PRKG1: variants seen among roughly 807,000 people sequenced by gnomAD.
PRKG1 encodes protein kinase cGMP-dependent 1.
PRKG1 carries 35 observed loss-of-function variants against 88.1 expected under a neutral mutation model. That is an observed-to-expected ratio of 0.40 (90% CI 0.30 to 0.53). PRKG1 has a LOEUF of 0.53. Ranked by LOEUF, PRKG1 falls within the 20% of genes least tolerant of loss-of-function variation. The pLI, the probability that PRKG1 is intolerant of heterozygous loss-of-function variation, is 0.59. For synonymous variants in PRKG1, 303 were observed against 292.5 expected, an observed-to-expected ratio of 1.04 and a Z score of -0.37; for missense variants, 540 against 839.8, an observed-to-expected ratio of 0.64 and a Z score of 4.41.
intron 8 of PRKG1, among the ~76,000 whole-genome samples, chr10:52,140,814 T>C (rs1203437862): frequency 3.4e-5 from 5 of 146,090 alleles, no homozygotes; most frequent in African/African-American, 1.2e-4. Context: ...ATGCACCCAA[T>C]GGTGATTTGC....
At chr10:51,697,647 C>T (rs1273944264) in intron 3 of PRKG1, 2 of 1,575,986 alleles carry the variant, frequency 1.3e-6, no homozygotes, top group East Asian at 4.5e-5. Flanking sequence ...CACCCATTCT[C>T]CATGCTACAG....
chr10:51,419,391 G>A (rs1838343127), intron 2 of PRKG1, among the ~76,000 whole-genome samples: 1 of 152,082 alleles, frequency 6.6e-6, no homozygotes. Flanking sequence ...GGTAACCATG[G>A]CAACCTCCAT....
At chr10:52,011,903 C>T (rs73339302) in intron 5 of PRKG1, among the ~76,000 whole-genome samples, 15,518 of 152,136 alleles carry the variant, frequency 0.1, 934 homozygotes, top group Non-Finnish European at 0.13. Flanking sequence ...ATGGGAGATT[C>T]TCTGCACAAG....
chr10:51,009,894 CA>C (rs1842974923), intron 1 of PRKG1, among the ~76,000 whole-genome samples: 1 of 152,214 alleles, frequency 6.6e-6, no homozygotes, highest in Non-Finnish European at 1.5e-5. Context: ...CCATTCTCCT[CA>C]AAATTGTATC....
At chr10:51,341,411 G>A (rs1842001292) in intron 2 of PRKG1, among the ~76,000 whole-genome samples, 1 of 152,152 alleles carries the variant, frequency 6.6e-6, no homozygotes, top group South Asian at 2.1e-4. Flanking sequence ...AGTAAAGCCT[G>A]TTGTTGGGAC....
At chr10:52,005,626 A>C (rs992915289) in intron 5 of PRKG1, among the ~76,000 whole-genome samples, 1 of 152,124 alleles carries the variant, frequency 6.6e-6, no homozygotes, top group African/African-American at 2.4e-5. Context: ...CACCCCTGCC[A>C]TTGGTAGCCA....
At chr10:51,564,889 T>C (rs1837560195) in intron 3 of PRKG1, among the ~76,000 whole-genome samples, 2 of 152,106 alleles carry the variant, frequency 1.3e-5, no homozygotes. Context: ...AATTGGACTC[T>C]TTTTTTCTTC....
At chr10:51,681,751 T>C (rs1461433417) in intron 3 of PRKG1, among the ~76,000 whole-genome samples, 1 of 152,198 alleles carries the variant, frequency 6.6e-6, no homozygotes, top group Non-Finnish European at 1.5e-5. Flanking sequence ...ATACTATTTA[T>C]AGGTAAAACA....
intron 3 of PRKG1, among the ~76,000 whole-genome samples, chr10:51,511,126 T>C (rs190754842): frequency 1.3e-5 from 2 of 152,226 alleles, no homozygotes; most frequent in African/African-American, 4.8e-5. Flanking sequence ...AATATACTAT[T>C]TAGTATACAA....
chr10:51,153,467 A>T, intron 2 of PRKG1, 137 bp downstream of exon 2: 1 of 802,910 alleles, frequency 1.2e-6, no homozygotes, highest in East Asian at 3.0e-5. Flanking sequence ...AGAAGAGTTG[A>T]AACACTACTT....
At chr10:51,992,241 A>G (rs1032281221) in intron 5 of PRKG1, among the ~76,000 whole-genome samples, 3 of 152,112 alleles carry the variant, frequency 2.0e-5, no homozygotes, top group Non-Finnish European at 2.9e-5. Flanking sequence ...TATATGCCCA[A>G]TTTTGTGAAC....
In PRKG1 at chr10:51,905,513, T is replaced by C. The variant is rs148945284; in HGVS notation, c.699-1994T>C. 7.9e-3 allele frequency among the ~76,000 whole-genome samples: 1,208 copies of C among 152,320 alleles called. 17 individuals are homozygous for C. The highest frequency in any genetic ancestry group is 0.025 in the African/African-American group (1,047 of 41,570). ...AGTTATAGCCTTTTCTCCATTCAGATATTAAGCTATGATTAATTAAGACTA... is the reference window on the plus strand; with the variant it reads ...AGTTATAGCCTTTTCTCCATTCAGACATTAAGCTATGATTAATTAAGACTA... On this transcript the variant is annotated intron_variant, in intron 4 of 17. Transcript: ENST00000373980.
chr10:51,557,352 C>A (rs1014164160), intron 3 of PRKG1, among the ~76,000 whole-genome samples: 1 of 151,740 alleles, frequency 6.6e-6, no homozygotes. Flanking sequence ...ACCACCCCCC[C>A]ACCACCCACA....
chr10:52,165,933 A>G (rs1392833876), intron 9 of PRKG1, among the ~76,000 whole-genome samples: 2 of 152,222 alleles, frequency 1.3e-5, no homozygotes, highest in African/African-American at 4.8e-5. Context: ...GTGGTTCTCA[A>G]AACTCCTCTA....
intron 4 of PRKG1, among the ~76,000 whole-genome samples, chr10:51,833,520 A>T (rs569537001): frequency 6.2e-4 from 95 of 152,334 alleles, no homozygotes; most frequent in African/African-American, 2.1e-3. Context: ...ATTTATAGGT[A>T]GTAGAGCTGC....
intron 1 of PRKG1, among the ~76,000 whole-genome samples, chr10:51,078,399 T>TG (rs1486923126): frequency 6.8e-6 from 1 of 147,606 alleles, no homozygotes; most frequent in African/African-American, 2.5e-5. Flanking sequence ...TTTTTTTTTT[T>TG]TTTTTTTTTT....
At chr10:52,175,199 T>G (rs1348211859) in intron 9 of PRKG1, among the ~76,000 whole-genome samples, 1 of 152,084 alleles carries the variant, frequency 6.6e-6, no homozygotes, top group Non-Finnish European at 1.5e-5. Flanking sequence ...TGTGATCAAT[T>G]TTGTTTTCAG....
chr10:51,967,739 A>T (rs891295038), intron 5 of PRKG1, among the ~76,000 whole-genome samples: 1 of 152,058 alleles, frequency 6.6e-6, no homozygotes, highest in African/African-American at 2.4e-5. Context: ...GTTCCTCAGA[A>T]AGTTTCCTTC....
Position 51,415,116 on chromosome 10 carries a change from C to T in PRKG1, c.479-52607C>T, listed in dbSNP as rs548910023. Among the ~76,000 whole-genome samples the T allele has an allele frequency of 7.2e-5, 11 of 152,280 alleles. No homozygotes were observed. The South Asian group carries it at 1.5e-3, about 20-fold the overall frequency. Reference sequence around the variant, plus strand: ...GACTTGCCCCAGGTCACACAGTCAGCGTGATCAGTAGTTCAGGCAGTCTGA... The same window carrying T: ...GACTTGCCCCAGGTCACACAGTCAGTGTGATCAGTAGTTCAGGCAGTCTGA... On this transcript the variant is annotated intron_variant, in intron 2 of 17. Coordinates refer to ENST00000373980, the MANE Select transcript of PRKG1 (RefSeq NM_006258.4).
Sources: allele counts gnomAD v4.1 joint callset (sites outside exome capture counted in the v4.1 genomes callset), GRCh38; gene constraint gnomAD v4.1.1; transcripts MANE v1.5; gene names NCBI Gene and HGNC (gene_info 2026-07-23, HGNC 2026-07-21).